Variants in HHAT observed in about 807,000 individuals in gnomAD.
HHAT encodes the protein protein-cysteine N-palmitoyltransferase HHAT.
In HHAT, 47 loss-of-function variants were observed where a neutral mutation model predicts 70.8. The ratio of observed to expected loss-of-function variants is 0.66; its 90% CI spans 0.53 to 0.85. The LOEUF is 0.85. Ranked by LOEUF, HHAT falls within the 40% of genes least tolerant of loss-of-function variation. The probability of loss-of-function intolerance (pLI) is 0.00; values close to 1 mark genes in which losing one functional copy is unlikely to be tolerated. For missense variants in HHAT, 609 were observed against 604.8 expected (o/e 1.01, Z -0.07); for synonymous variants, 228 against 247.6 (o/e 0.92, Z 0.74).
At chr1:210,564,085 C>G (rs918097324) in intron 9 of HHAT, among the ~76,000 whole-genome samples, 33 of 151,028 alleles carry the variant, frequency 2.2e-4, no homozygotes, top group African/African-American at 8.0e-4. Flanking sequence ...TCCTGAGTAG[C>G]TGGGGTTACA....
intron 7 of HHAT, among the ~76,000 whole-genome samples, chr1:210,457,528 T>C (rs1020627573): frequency 1.3e-5 from 2 of 152,106 alleles, no homozygotes; most frequent in Admixed American, 1.3e-4. Flanking sequence ...TAGAGCATGC[T>C]TCCTGAAGCT....
chr1:210,553,106 A>C (rs1007397754), intron 9 of HHAT, among the ~76,000 whole-genome samples: 6 of 151,984 alleles, frequency 3.9e-5, no homozygotes, highest in Admixed American at 1.3e-4. Context: ...TGTCATTCCA[A>C]CCCAAGGGCC....
intron 10 of HHAT, among the ~76,000 whole-genome samples, chr1:210,621,977 G>A (rs1030400605): frequency 2.0e-5 from 3 of 152,174 alleles, no homozygotes; most frequent in Non-Finnish European, 4.4e-5. Context: ...AGATCTGAGA[G>A]TTAAGAACAG....
At chr1:210,393,667 C>T (rs1048386190) in intron 4 of HHAT, among the ~76,000 whole-genome samples, 1 of 152,166 alleles carries the variant, frequency 6.6e-6, no homozygotes, top group Non-Finnish European at 1.5e-5. Context: ...GACTAGGCTT[C>T]TTCTCTGCAG....
intron 9 of HHAT, among the ~76,000 whole-genome samples, chr1:210,532,348 G>T (rs577206116): frequency 6.6e-6 from 1 of 152,280 alleles, no homozygotes; most frequent in South Asian, 2.1e-4. Flanking sequence ...CTGAGAGGAG[G>T]TTCCTTATTT....
chr1:210,423,324 G>A (rs2092961263), intron 7 of HHAT, among the ~76,000 whole-genome samples: 1 of 152,124 alleles, frequency 6.6e-6, no homozygotes, highest in South Asian at 2.1e-4. Context: ...CTCATGATTA[G>A]TGATATTGAG....
chr1:210,497,952 G>T (rs1247965912), intron 8 of HHAT, among the ~76,000 whole-genome samples: 2 of 151,968 alleles, frequency 1.3e-5, no homozygotes, highest in Non-Finnish European at 2.9e-5. Flanking sequence ...TTTTAGTAGA[G>T]GCTAATGTTG....
rs993778710 is a variant in HHAT, at chr1:210,675,216, C to G, written c.*837C>G. 6 of 152,196 alleles carry G rather than the reference C, an allele frequency of 3.9e-5. No individual in the cohort carries two copies. Among genetic ancestry groups the G allele is most frequent in the Non-Finnish European group, 8.8e-5 (6 of 68,036 alleles). 9.4% of individuals were successfully genotyped at this position (152,196 alleles called of 1,614,324 possible). A position where few individuals can be genotyped will look rare whatever the true frequency, so the allele number is the denominator to read the frequency against. On this transcript the variant is annotated 3_prime_UTR_variant, in exon 12 of 12. Transcript: ENST00000261458. ...TTGTCCACCCTCTCCATACAAGTCT[C>G]AAAAGTCATCCTCCTACTCAGTGAT...
intron 3 of HHAT, among the ~76,000 whole-genome samples, chr1:210,370,458 C>G (rs2089464179): frequency 6.6e-6 from 1 of 151,806 alleles, no homozygotes; most frequent in African/African-American, 2.4e-5. Flanking sequence ...CAGGTGTGAG[C>G]CACTGCATCT....
chr1:210,544,367 G>GTTTTTTTTTTTTTTTTTTT (rs569514246), intron 9 of HHAT, among the ~76,000 whole-genome samples: 1 of 90,066 alleles, frequency 1.1e-5, no homozygotes, highest in African/African-American at 4.3e-5. Context: ...TCTTTCTTTC[G>GTTTTTTTTTTTTTTTTTTT]TTTTTTTTTT....
chr1:210,337,404 C>G (rs182808101), intron 1 of HHAT, among the ~76,000 whole-genome samples: 37 of 152,280 alleles, frequency 2.4e-4, no homozygotes, highest in Non-Finnish European at 3.7e-4. Context: ...TAAATTAACA[C>G]AAATTCAGTG....
intron 9 of HHAT, among the ~76,000 whole-genome samples, chr1:210,554,377 G>A (rs1299908760): frequency 1.3e-5 from 2 of 152,124 alleles, no homozygotes; most frequent in Admixed American, 6.6e-5. Context: ...ATGAACTTTG[G>A]TGGGATGCGG....
At chr1:210,502,383 CAAAAA>C (rs1177468677) in intron 8 of HHAT, among the ~76,000 whole-genome samples, 3 of 87,028 alleles carry the variant, frequency 3.4e-5, no homozygotes, top group East Asian at 3.2e-4. Flanking sequence ...GACTCAGTCT[CAAAAA>C]AAAAAAAAAA....
chr1:210,536,229 C>G (rs1183017842), intron 9 of HHAT, among the ~76,000 whole-genome samples: 1 of 152,212 alleles, frequency 6.6e-6, no homozygotes, highest in East Asian at 1.9e-4. Context: ...ATGAATTTAG[C>G]CCATTCTAGC....
intron 3 of HHAT, among the ~76,000 whole-genome samples, chr1:210,367,922 C>T (rs2089167030): frequency 7.4e-6 from 1 of 134,350 alleles, no homozygotes; most frequent in Admixed American, 7.5e-5. Flanking sequence ...CACCCCCCAC[C>T]CCCTGCAGGC....
chr1:210,491,061 CATAGTG>C (rs1245133958), intron 8 of HHAT, among the ~76,000 whole-genome samples: 2 of 73,400 alleles, frequency 2.7e-5, no homozygotes, highest in African/African-American at 1.2e-4. Flanking sequence ...CACACACACA[CATAGTG>C]TGTGTGTGTG....
intron 7 of HHAT, among the ~76,000 whole-genome samples, chr1:210,460,471 A>C (rs2093956496): frequency 6.6e-6 from 1 of 152,192 alleles, no homozygotes; most frequent in South Asian, 2.1e-4. Context: ...ATGTTTGTTA[A>C]ATGTTCAATG....
intron 7 of HHAT, among the ~76,000 whole-genome samples, chr1:210,420,142 A>G (rs931011566): frequency 6.6e-6 from 1 of 152,186 alleles, no homozygotes; most frequent in Non-Finnish European, 1.5e-5. Context: ...TTACCTGAAT[A>G]TTGTATTTAT....
chr1:210,520,126 C>T (rs975099993), intron 9 of HHAT, among the ~76,000 whole-genome samples: 19 of 152,086 alleles, frequency 1.2e-4, no homozygotes, highest in Admixed American at 2.0e-4. Context: ...AGTGATTCTC[C>T]TGCCTCAGCC....
Sources: allele counts gnomAD v4.1 joint callset (sites outside exome capture counted in the v4.1 genomes callset), GRCh38; gene constraint gnomAD v4.1.1; transcripts MANE v1.5; gene names NCBI Gene and HGNC (gene_info 2026-07-23, HGNC 2026-07-21).